The following DCC variants were observed in gnomAD, a reference collection of about 807,000 sequenced individuals.
DCC encodes netrin receptor DCC.
Under a neutral mutation model 172.5 loss-of-function variants are expected in DCC, and 58 were observed. The observed-to-expected ratio is 0.34, with a 90% CI of 0.27 to 0.42. DCC has a LOEUF of 0.42. Ranked by LOEUF, DCC falls within the 10% of genes least tolerant of loss-of-function variation. The probability of loss-of-function intolerance (pLI) is 1.00; values close to 1 mark genes in which losing one functional copy is unlikely to be tolerated. For synonymous variants in DCC, 709 were observed against 644.5 expected, an observed-to-expected ratio of 1.10 and a Z score of -1.52; for missense variants, 1,740 against 1,791.0, an observed-to-expected ratio of 0.97 and a Z score of 0.51.
Position 53,490,898 on chromosome 18 carries a change from A to T in DCC, c.3898+3940A>T, listed in dbSNP as rs145664874. Among the ~76,000 whole-genome samples, 232 of 152,304 alleles carry T rather than the reference A, an allele frequency of 1.5e-3. 2 individuals carry two copies. Among genetic ancestry groups the T allele is most frequent in the African/African-American group, 5.2e-3 (217 of 41,572 alleles). On this transcript the variant is annotated intron_variant, in intron 26 of 28. Coordinates refer to ENST00000442544, the MANE Select transcript of DCC (RefSeq NM_005215.4). ...TATGAATTATAGATGGAAATCCTAT[A>T]CCTGTTCATTGTATTCATTTTGAAC...
intron 5 of DCC, among the ~76,000 whole-genome samples, chr18:52,968,013 G>T (rs1159725446): frequency 6.6e-6 from 1 of 152,036 alleles, no homozygotes; most frequent in Non-Finnish European, 1.5e-5. Context: ...TTCTCTCTTT[G>T]TAGTTGTTAG....
At chr18:53,332,550 A>G (rs1203919998) in intron 14 of DCC, among the ~76,000 whole-genome samples, 2 of 152,182 alleles carry the variant, frequency 1.3e-5, no homozygotes, top group Admixed American at 6.5e-5. Context: ...TATTAGGAAC[A>G]AGAATAAAAC....
intron 1 of DCC, among the ~76,000 whole-genome samples, chr18:52,667,926 GC>G (rs2035483604): frequency 6.6e-6 from 1 of 152,086 alleles, no homozygotes; most frequent in Non-Finnish European, 1.5e-5. Context: ...CTGAGTATGT[GC>G]CAGTTTAAAC....
chr18:52,819,206 C>CAAG (rs566318796), intron 2 of DCC, among the ~76,000 whole-genome samples: 198 of 152,134 alleles, frequency 1.3e-3, no homozygotes, highest in African/African-American at 4.1e-3. Context: ...ACCAACAAGA[C>CAAG]AAAGAGCTAA....
At chr18:53,055,260 C>T (rs1396210512) in intron 5 of DCC, among the ~76,000 whole-genome samples, 2 of 152,118 alleles carry the variant, frequency 1.3e-5, no homozygotes, top group Non-Finnish European at 2.9e-5. Flanking sequence ...GAACCAACTG[C>T]TTTTCTGTCA....
intron 12 of DCC, among the ~76,000 whole-genome samples, chr18:53,296,463 C>A (rs910265030): frequency 1.3e-5 from 2 of 152,162 alleles, no homozygotes; most frequent in African/African-American, 4.8e-5. Flanking sequence ...GCTCATACTG[C>A]TGATGAGAAA....
At chr18:52,542,601 C>T (rs895795145) in intron 1 of DCC, among the ~76,000 whole-genome samples, 31 of 152,018 alleles carry the variant, frequency 2.0e-4, no homozygotes, top group Non-Finnish European at 7.4e-5. Flanking sequence ...TTTGGAAGGC[C>T]GAGGTGGGCA....
intron 1 of DCC, among the ~76,000 whole-genome samples, chr18:52,578,589 T>C (rs1443805488): frequency 1.3e-5 from 2 of 152,260 alleles, no homozygotes; most frequent in Non-Finnish European, 2.9e-5. Context: ...TAGCATCCTT[T>C]ATTTTTTCAC....
At chr18:52,374,754 A>C (rs1280584776) in intron 1 of DCC, among the ~76,000 whole-genome samples, 1 of 152,236 alleles carries the variant, frequency 6.6e-6, no homozygotes, top group Non-Finnish European at 1.5e-5. Context: ...TACTGGACCC[A>C]TTAGTCTTTA....
chr18:53,032,304 C>T (rs572219094), intron 5 of DCC, among the ~76,000 whole-genome samples: 5 of 152,036 alleles, frequency 3.3e-5, no homozygotes, highest in Non-Finnish European at 7.4e-5. Flanking sequence ...GCCCTTTTAC[C>T]TGAAAGAAAG....
chr18:53,398,285 A>T (rs2145026919), intron 18 of DCC, among the ~76,000 whole-genome samples: 1 of 152,178 alleles, frequency 6.6e-6, no homozygotes, highest in East Asian at 1.9e-4. Flanking sequence ...TTGCAGTTCT[A>T]ATTTTTAACT....
intron 7 of DCC, among the ~76,000 whole-genome samples, chr18:53,130,815 C>T (rs1194828742): frequency 2.0e-5 from 3 of 151,994 alleles, no homozygotes; most frequent in South Asian, 2.1e-4. Flanking sequence ...ATTCCATAAT[C>T]CTTGATTATG....
intron 21 of DCC, among the ~76,000 whole-genome samples, chr18:53,421,280 G>C (rs539171030): frequency 2.0e-5 from 3 of 152,104 alleles, no homozygotes; most frequent in Admixed American, 1.3e-4. Context: ...GTGTTTCTAC[G>C]TCTGCTCATT....
chr18:52,969,357 A>G (rs1008699569), intron 5 of DCC, among the ~76,000 whole-genome samples: 4 of 152,138 alleles, frequency 2.6e-5, no homozygotes, highest in Non-Finnish European at 4.4e-5. Flanking sequence ...TCCTTATATT[A>G]GCAAATAACA....
chr18:53,039,848 C>T (rs2042145160), intron 5 of DCC, among the ~76,000 whole-genome samples: 2 of 151,960 alleles, frequency 1.3e-5, no homozygotes, highest in Admixed American at 1.3e-4. Context: ...TAGCAATGAT[C>T]ACACCATATA....
intron 25 of DCC, among the ~76,000 whole-genome samples, chr18:53,469,862 C>G (rs1225140989): frequency 6.6e-6 from 1 of 152,124 alleles, no homozygotes; most frequent in East Asian, 1.9e-4. Context: ...TCCACTGAAT[C>G]CATGATTGCC....
intron 15 of DCC, among the ~76,000 whole-genome samples, chr18:53,382,261 T>C (rs1020111452): frequency 3.9e-5 from 6 of 152,112 alleles, no homozygotes; most frequent in Non-Finnish European, 7.4e-5. Context: ...CTAATAAAAA[T>C]GTTTACATTT....
At chr18:52,784,772 C>T (rs907982055) in intron 2 of DCC, among the ~76,000 whole-genome samples, 2 of 151,856 alleles carry the variant, frequency 1.3e-5, no homozygotes, top group African/African-American at 2.4e-5. Flanking sequence ...GGCTATGTTG[C>T]TTGGGATATG....
chr18:53,099,948 T>TC (rs1437189379), intron 7 of DCC, among the ~76,000 whole-genome samples: 1 of 126,852 alleles, frequency 7.9e-6, no homozygotes, highest in African/African-American at 3.4e-5. Flanking sequence ...TCTTTCTTTT[T>TC]TTTTTTTTTT....
Sources: allele counts gnomAD v4.1 joint callset (sites outside exome capture counted in the v4.1 genomes callset), GRCh38; gene constraint gnomAD v4.1.1; transcripts MANE v1.5; gene names NCBI Gene and HGNC (gene_info 2026-07-23, HGNC 2026-07-21).